The following TMEM255B variants were observed in gnomAD, a reference collection of about 807,000 sequenced individuals.
TMEM255B encodes transmembrane protein 255B.
Under a neutral mutation model 34.5 loss-of-function variants are expected in TMEM255B, and 35 were observed. That is an observed-to-expected ratio of 1.01 (90% confidence interval 0.77 to 1.34). The LOEUF is 1.34. Among genes scored for constraint, TMEM255B ranks in the 40% most tolerant of loss-of-function variants. The pLI, the probability that TMEM255B is intolerant of heterozygous loss-of-function variation, is 0.00. For missense variants in TMEM255B, 432 were observed against 433.2 expected (o/e 1.00, Z 0.02); for synonymous variants, 206 against 201.2 (o/e 1.02, Z -0.20).
At chr13:113,759,696 A>T (rs926739168) in intron 1 of TMEM255B, among the ~76,000 whole-genome samples, 1 of 151,908 alleles carries the variant, frequency 6.6e-6, no homozygotes, top group Non-Finnish European at 1.5e-5. Flanking sequence ...CTCCTTCCCC[A>T]TCTCTTCCGT....
intron 8 of TMEM255B, among the ~76,000 whole-genome samples, chr13:113,807,073 T>C (rs935823873): frequency 6.6e-6 from 1 of 152,138 alleles, no homozygotes; most frequent in African/African-American, 2.4e-5. Flanking sequence ...CAGGGCTGGT[T>C]TGGGCCGCCC....
intron 8 of TMEM255B, among the ~76,000 whole-genome samples, chr13:113,808,906 T>G (rs1240174626): frequency 2.1e-5 from 3 of 143,490 alleles, no homozygotes; most frequent in Non-Finnish European, 4.6e-5. Flanking sequence ...CCATGGTTCC[T>G]GGGGGTTTAC....
chr13:113,792,605 G>C (rs1196438965), intron 3 of TMEM255B, among the ~76,000 whole-genome samples: 6 of 152,254 alleles, frequency 3.9e-5, no homozygotes, highest in Non-Finnish European at 7.3e-5. Context: ...GTCAGACGGG[G>C]TCAGCTGTTC....
intron 7 of TMEM255B, 37 bp downstream of exon 7, chr13:113,801,849 G>A: frequency 6.5e-7 from 1 of 1,536,150 alleles, no homozygotes; most frequent in Non-Finnish European, 8.8e-7. Context: ...TGCTCACTGG[G>A]AGCCGGGGCT....
At chr13:113,779,663 G>T (rs574043014) in intron 3 of TMEM255B, among the ~76,000 whole-genome samples, 1 of 152,154 alleles carries the variant, frequency 6.6e-6, no homozygotes, top group Non-Finnish European at 1.5e-5. Flanking sequence ...GATACATCTC[G>T]TCTTCAGCTT....
intron 8 of TMEM255B, among the ~76,000 whole-genome samples, chr13:113,810,018 G>T (rs2051269719): frequency 6.6e-6 from 1 of 152,184 alleles, no homozygotes; most frequent in Non-Finnish European, 1.5e-5. Context: ...TCCCTCTGAG[G>T]AAGGGCCCCA....
At chr13:113,810,342 A>AG (rs1350963612) in intron 8 of TMEM255B, among the ~76,000 whole-genome samples, 2 of 152,300 alleles carry the variant, frequency 1.3e-5, no homozygotes, top group African/African-American at 2.4e-5. Context: ...CTAGAATTTA[A>AG]GGGGAAAAAA....
intron 3 of TMEM255B, among the ~76,000 whole-genome samples, chr13:113,783,675 C>G (rs2050698107): frequency 6.6e-6 from 1 of 152,062 alleles, no homozygotes; most frequent in African/African-American, 2.4e-5. Context: ...GGTGGCTTGA[C>G]TGGCTGGGGT....
intron 7 of TMEM255B, among the ~76,000 whole-genome samples, chr13:113,804,575 G>T (rs555878492): frequency 6.6e-6 from 1 of 151,840 alleles, no homozygotes; most frequent in East Asian, 1.9e-4. Context: ...CCGGGCCGGG[G>T]TTAGCTCCAG....
chr13:113,810,772 C>A (rs1202601250), intron 8 of TMEM255B, among the ~76,000 whole-genome samples: 1 of 152,214 alleles, frequency 6.6e-6, no homozygotes, highest in African/African-American at 2.4e-5. Context: ...GTCAATCACA[C>A]CTGAAGATGC....
chr13:113,785,676 G>A lies in TMEM255B; in HGVS notation c.253-9472G>A, dbSNP rs569893771. Among the ~76,000 whole-genome samples, 10 of 152,310 alleles carry A rather than the reference G, an allele frequency of 6.6e-5. No individual in the cohort carries two copies. In the East Asian group the frequency reaches 1.7e-3, roughly 26 times the overall value. On this transcript the variant is annotated intron_variant, in intron 3 of 8. Coordinates refer to ENST00000375353, the MANE Select transcript of TMEM255B (RefSeq NM_182614.4). ...TTGAAACCCTTAGGTCATTGGTCAG[G>A]GTCAGAAGTAGGAACGGTTGCCGCT...
chr13:113,795,017 C>G (rs112944710), intron 3 of TMEM255B, 131 bp from the exon 4 acceptor site: 1 of 790,858 alleles, frequency 1.3e-6, no homozygotes, highest in African/African-American at 1.7e-5. Context: ...AGTCATAGGA[C>G]GAAAGGTAGA....
chr13:113,801,724 G>T lies in TMEM255B; in HGVS notation c.581G>T (p.Arg194Leu), dbSNP rs551099037. The T allele has an allele frequency of 1.9e-6, 3 of 1,612,948 alleles. No individual in the cohort carries two copies. The highest frequency in any genetic ancestry group is 2.7e-5 in the African/African-American group (2 of 75,038). ...TGCCAGGACGTGCTGCACCTGTACC[G>T]CCTGCTCTGGGCCTCTGCAGTTCTG... ...SGCQDVLHLY[R>L]LLWASAVLNV... is the part of the protein sequence containing the mutation. Residue 194 changes from arginine to leucine, a missense_variant, in exon 7 of 9, where the codon CGC becomes CTC. Coordinates refer to ENST00000375353, the MANE Select transcript of TMEM255B (RefSeq NM_182614.4).
intron 4 of TMEM255B, among the ~76,000 whole-genome samples, chr13:113,798,268 TAGG>T (rs1163119687): frequency 2.0e-5 from 3 of 148,258 alleles, no homozygotes; most frequent in East Asian, 2.0e-4. Context: ...GATGGATAGA[TAGG>T]AGGATGGATA....
chr13:113,766,496 A>G (rs758012482), intron 2 of TMEM255B: 3 of 631,584 alleles, frequency 4.7e-6, no homozygotes, highest in Middle Eastern at 5.1e-4. Context: ...TGATCTCAAA[A>G]TAGGGCCAGG....
At chr13:113,793,389 G>C (rs1337944258) in intron 3 of TMEM255B, among the ~76,000 whole-genome samples, 1 of 101,602 alleles carries the variant, frequency 9.8e-6, no homozygotes, top group African/African-American at 3.8e-5. Context: ...GTGGAGGAAA[G>C]TTGCCTTAGA....
chr13:113,782,531 C>G (rs1300435066), intron 3 of TMEM255B, among the ~76,000 whole-genome samples: 1 of 152,230 alleles, frequency 6.6e-6, no homozygotes, highest in Non-Finnish European at 1.5e-5. Context: ...TGAACTGACT[C>G]CATCTTGCTT....
In TMEM255B at chr13:113,816,752, GT is replaced by G. The variant is rs1380107013; in HGVS notation, c.*4852del. The G allele has an allele frequency of 6.6e-6, 1 of 152,190 alleles. No homozygotes were observed. Among genetic ancestry groups the G allele is most frequent in the Non-Finnish European group, 1.5e-5 (1 of 68,044 alleles). The allele number at this position is 152,190 out of a possible 1,614,324, so 9.4% of individuals were successfully genotyped here. Reference sequence around the variant, plus strand: ...GGCGACACGCGCCACTTCCTTTTCTGTTTCCTAGACCTTTTAACTGATGGAA... The same window carrying G: ...GGCGACACGCGCCACTTCCTTTTCTGTTCCTAGACCTTTTAACTGATGGAA... On this transcript the variant is annotated 3_prime_UTR_variant, in exon 9 of 9. Coordinates refer to ENST00000375353, the MANE Select transcript of TMEM255B (RefSeq NM_182614.4).
intron 8 of TMEM255B, among the ~76,000 whole-genome samples, chr13:113,805,631 G>A (rs972695905): frequency 1.3e-5 from 2 of 152,190 alleles, no homozygotes; most frequent in African/African-American, 2.4e-5. Context: ...TTCTTACCTC[G>A]GCACTGTAGG....
Sources: allele counts gnomAD v4.1 joint callset (sites outside exome capture counted in the v4.1 genomes callset), GRCh38; gene constraint gnomAD v4.1.1; transcripts MANE v1.5; gene names NCBI Gene and HGNC (gene_info 2026-07-23, HGNC 2026-07-21).